Variants in PLD5 observed in about 807,000 individuals in gnomAD.
The protein encoded by PLD5 is phospholipase D family member 5, also known as inactive phospholipase D5.
A neutral mutation model predicts 61.1 loss-of-function variants in PLD5; 36 were observed. The ratio of observed to expected loss-of-function variants is 0.59; its 90% CI spans 0.45 to 0.78. The LOEUF (loss-of-function observed/expected upper bound fraction) is 0.78. Ranked by LOEUF, PLD5 falls within the 30% of genes least tolerant of loss-of-function variation. PLD5 has a pLI of 0.00. For synonymous variants in PLD5, 243 were observed against 242.8 expected (o/e 1.00, Z -0.01); for missense variants, 515 against 644.4 (o/e 0.80, Z 2.17).
chr1:242,507,394 T>C (rs1358242590), intron 1 of PLD5, among the ~76,000 whole-genome samples: 1 of 152,192 alleles, frequency 6.6e-6, no homozygotes, highest in Non-Finnish European at 1.5e-5. Flanking sequence ...TACATTTCAA[T>C]AGAGCTTTGC....
chr1:242,182,878 A>G (rs1434352030), intron 5 of PLD5, among the ~76,000 whole-genome samples: 2 of 152,116 alleles, frequency 1.3e-5, no homozygotes, highest in Non-Finnish European at 2.9e-5. Context: ...AAAAATAAAA[A>G]AGCCAATCAT....
chr1:242,423,057 C>T (rs1438607326), intron 1 of PLD5, among the ~76,000 whole-genome samples: 3 of 151,914 alleles, frequency 2.0e-5, no homozygotes, highest in Non-Finnish European at 2.9e-5. Context: ...CACTATGTTG[C>T]CCAGGCTGGT....
chr1:242,419,414 G>A (rs975205610), intron 1 of PLD5, among the ~76,000 whole-genome samples: 1 of 149,272 alleles, frequency 6.7e-6, no homozygotes, highest in Non-Finnish European at 1.5e-5. Flanking sequence ...TTGGCGGGGG[G>A]AGACAGAGTC....
chr1:242,358,356 GC>G (rs535297248), intron 1 of PLD5, among the ~76,000 whole-genome samples: 271 of 151,728 alleles, frequency 1.8e-3, no homozygotes, highest in African/African-American at 6.3e-3. Context: ...TTCAGAGAAA[GC>G]CACCTTTTCT....
intron 4 of PLD5, among the ~76,000 whole-genome samples, chr1:242,231,256 A>T (rs530570275): frequency 6.6e-6 from 1 of 152,164 alleles, no homozygotes; most frequent in South Asian, 2.1e-4. Flanking sequence ...TGTTGAGGTC[A>T]CACAGCTATC....
intron 4 of PLD5, among the ~76,000 whole-genome samples, chr1:242,257,429 C>T (rs1473258927): frequency 1.3e-5 from 2 of 152,176 alleles, no homozygotes; most frequent in Admixed American, 1.3e-4. Flanking sequence ...ACACCCCAAG[C>T]CCACAGTGTG....
intron 2 of PLD5, among the ~76,000 whole-genome samples, chr1:242,321,601 G>A (rs895424625): frequency 4.6e-5 from 7 of 151,988 alleles, no homozygotes; most frequent in East Asian, 2.0e-4. Flanking sequence ...CACCACGCCC[G>A]GCCCCATCTA....
At chr1:242,376,777 G>A (rs1208396976) in intron 1 of PLD5, 16 of 793,990 alleles carry the variant, frequency 2.0e-5, no homozygotes, top group East Asian at 1.9e-4. Flanking sequence ...ATACGACGAG[G>A]TGAAGGAAGG....
At chr1:242,394,069 T>A (rs1319984918) in intron 1 of PLD5, among the ~76,000 whole-genome samples, 1 of 145,042 alleles carries the variant, frequency 6.9e-6, no homozygotes, top group African/African-American at 2.5e-5. Context: ...AAAAAAAACA[T>A]ATATATATAT....
At chr1:242,107,541 A>T in intron 8 of PLD5, 130 bp downstream of exon 8, 1 of 875,428 alleles carries the variant, frequency 1.1e-6, no homozygotes, top group Non-Finnish European at 1.7e-6. Context: ...AAAATTACTT[A>T]ACGTGCTTTT....
intron 5 of PLD5, among the ~76,000 whole-genome samples, chr1:242,196,202 C>T (rs550500370): frequency 5.3e-4 from 80 of 152,248 alleles, no homozygotes; most frequent in African/African-American, 1.9e-3. Flanking sequence ...GTAAATAAAA[C>T]CTTTGAATTT....
chr1:242,331,094 T>C (rs1232945054), intron 2 of PLD5, among the ~76,000 whole-genome samples: 1 of 152,198 alleles, frequency 6.6e-6, no homozygotes, highest in Admixed American at 6.5e-5. Flanking sequence ...ACACTGCATT[T>C]GTTCAATATT....
chr1:242,140,885 G>T, intron 5 of PLD5, among the ~76,000 whole-genome samples: 1 of 152,132 alleles, frequency 6.6e-6, no homozygotes, highest in Non-Finnish European at 1.5e-5. Flanking sequence ...GCCTCCAAGA[G>T]GAGCCACAGC....
intron 5 of PLD5, among the ~76,000 whole-genome samples, chr1:242,212,606 C>CA (rs2148987840): frequency 6.6e-6 from 1 of 152,194 alleles, no homozygotes; most frequent in Admixed American, 6.5e-5. Flanking sequence ...CAGCAGCCGC[C>CA]AGGCAGCGGG....
At chr1:242,469,542 G>A (rs755408283) in intron 1 of PLD5, among the ~76,000 whole-genome samples, 1 of 152,052 alleles carries the variant, frequency 6.6e-6, no homozygotes, top group Non-Finnish European at 1.5e-5. Flanking sequence ...ATAGGGTCTT[G>A]CTCTGTGGCC....
intron 5 of PLD5, among the ~76,000 whole-genome samples, chr1:242,208,275 A>ATC (rs1669573402): frequency 6.6e-6 from 1 of 151,802 alleles, no homozygotes; most frequent in Non-Finnish European, 1.5e-5. Context: ...CTCAAATTCC[A>ATC]TCTTCTCTCT....
chr1:242,510,139 G>T (rs187217828), intron 1 of PLD5, among the ~76,000 whole-genome samples: 4 of 152,230 alleles, frequency 2.6e-5, no homozygotes, highest in Admixed American at 2.6e-4. Context: ...TTGAATCTCA[G>T]ATAATAGTGT....
intron 1 of PLD5, among the ~76,000 whole-genome samples, chr1:242,433,269 A>G (rs1270903444): frequency 6.6e-6 from 1 of 152,188 alleles, no homozygotes; most frequent in African/African-American, 2.4e-5. Context: ...TTCCATGCAC[A>G]TTGCAAAAAC....
intron 1 of PLD5, among the ~76,000 whole-genome samples, chr1:242,357,482 AT>A (rs969073976): frequency 9.5e-5 from 13 of 137,552 alleles, no homozygotes; most frequent in African/African-American, 3.5e-4. Context: ...AATTAATGAC[AT>A]TTTTTCTTTT....
Sources: gnomAD v4.1 joint callset for allele counts (sites outside exome capture counted in the v4.1 genomes callset) on GRCh38, gnomAD v4.1.1 for gene constraint, MANE v1.5 for transcripts, NCBI Gene and HGNC (gene_info 2026-07-23, HGNC 2026-07-21) for gene names.